The following PFDN2 variants were observed in gnomAD, a reference collection of about 807,000 sequenced individuals.
PFDN2 encodes the protein prefoldin 2.
PFDN2 carries 7 observed loss-of-function variants against 18.3 expected under a neutral mutation model. That is an observed-to-expected ratio of 0.38 (90% confidence interval 0.22 to 0.72). The LOEUF is 0.72. PFDN2 is among the 30% of genes least tolerant of loss of function. PFDN2 has a pLI of 0.47. For missense variants in PFDN2, 181 were observed against 199.1 expected (o/e 0.91, Z 0.55); for synonymous variants, 76 against 75.0 (o/e 1.01, Z -0.07).
Position 161,100,724 on chromosome 1 carries a change from C to T in PFDN2, c.424G>A (p.Ala142Thr). The change falls in exon 4 of 4, where the codon GCT becomes ACT. Residue 142 changes from alanine to threonine, a missense_variant. Ala to Thr is a moderately conservative substitution (Grantham distance 58). Coordinates refer to ENST00000368010, the MANE Select transcript of PFDN2 (RefSeq NM_012394.4). ...KPAAKENSEGAGAKASSAGVL... is the reference protein window; with the variant it reads ...KPAAKENSEGTGAKASSAGVL... Reference sequence around the variant, plus strand: ...CCAGCTGAGCTGGCCTTAGCCCCAGCCCCTTCTGAGTTTTCCTTGGCTGCT... The same window carrying T: ...CCAGCTGAGCTGGCCTTAGCCCCAGTCCCTTCTGAGTTTTCCTTGGCTGCT... 6.2e-7 allele frequency: 1 copy of T among 1,614,126 alleles called. No individual in the cohort carries two copies. Among genetic ancestry groups the T allele is most frequent in the Non-Finnish European group, 8.5e-7 (1 of 1,180,012 alleles).
intron 1 of PFDN2, among the ~76,000 whole-genome samples, chr1:161,116,761 A>T (rs1017425530): frequency 6.6e-6 from 1 of 152,178 alleles, no homozygotes; most frequent in Admixed American, 6.5e-5. Flanking sequence ...GCTACTCGGG[A>T]GGCTAAGGCA....
intron 1 of PFDN2, among the ~76,000 whole-genome samples, chr1:161,110,526 A>C (rs1654782292): frequency 1.3e-5 from 2 of 152,120 alleles, no homozygotes; most frequent in African/African-American, 2.4e-5. Flanking sequence ...TTTACCATAT[A>C]GTTTTAATAA....
rs1359425352 is a variant in PFDN2 at position 161,102,156 on chromosome 1, T to C, written c.180A>G (p.Thr60=). Residue 60 remains threonine, a synonymous_variant, in exon 3 of 4, where the codon ACA becomes ACG. Coordinates refer to ENST00000368010, the MANE Select transcript of PFDN2 (RefSeq NM_012394.4). ...ELNEHSLVID[T]LKEVDETRKC... is the part of the protein sequence containing the mutation. Reference sequence around the variant, plus strand: ...TACGAGTTTCATCTACCTCCTTCAGTGTATCGATCACTAGGCTGGGATAGG... The same window carrying C: ...TACGAGTTTCATCTACCTCCTTCAGCGTATCGATCACTAGGCTGGGATAGG... 6.2e-6 allele frequency: 10 copies of C among 1,614,086 alleles called. No homozygotes were observed. In the African/African-American group the frequency reaches 8.0e-5, roughly 13 times the overall value.
rs766547454 is a variant in PFDN2 at position 161,100,734 on chromosome 1, G to A, written c.414C>T (p.Asn138=). The change falls in exon 4 of 4, where the codon AAC becomes AAT. Residue 138 remains asparagine, a synonymous_variant. Coordinates refer to ENST00000368010, the MANE Select transcript of PFDN2 (RefSeq NM_012394.4). ...GEDEKPAAKE[N]SEGAGAKASS... is the part of the protein sequence containing the mutation. ...TGGCCTTAGCCCCAGCCCCTTCTGA[G>A]TTTTCCTTGGCTGCTGGCTTCTCAT... The A allele has an allele frequency of 1.5e-5, 24 of 1,614,010 alleles. No individual in the cohort carries two copies. The South Asian group carries it at 2.6e-4, about 18-fold the overall frequency.
rs1399178967 is a variant in PFDN2 at position 161,117,926 on chromosome 1, C to T, written c.75+26G>A. The T allele has an allele frequency of 4.4e-6, 7 of 1,591,980 alleles. No individual in the cohort carries two copies. The African/African-American group carries it at 8.1e-5, about 18-fold the overall frequency. ...TAGTATTCCAGACCCAGGTGGGTAC[C>T]CTGCTTCGCGTTAGCCACTCCTCAC... On this transcript the variant is annotated intron_variant, in intron 1 of 3. Coordinates refer to ENST00000368010, the MANE Select transcript of PFDN2 (RefSeq NM_012394.4).
chr1:161,100,694 A>G lies in PFDN2; in HGVS notation c.454T>C (p.Leu152=). ...AGAKASSAGV[L]VS is the part of the protein sequence containing the mutation. Reference sequence around the variant, plus strand: ...AAAGGCCTTGGTCCCTAGGAGACCAACACTCCAGCTGAGCTGGCCTTAGCC... The same window carrying G: ...AAAGGCCTTGGTCCCTAGGAGACCAGCACTCCAGCTGAGCTGGCCTTAGCC... Residue 152 remains leucine, a synonymous_variant, in exon 4 of 4, where the codon TTG becomes CTG. Transcript: ENST00000368010. 1 of 1,612,140 alleles carries G rather than the reference A, an allele frequency of 6.2e-7. No homozygotes were observed.
intron 3 of PFDN2, 39 bp downstream of exon 3, chr1:161,102,009 A>T: frequency 1.2e-6 from 2 of 1,611,812 alleles, no homozygotes; most frequent in Non-Finnish European, 1.7e-6. Context: ...CTGGGTTTAC[A>T]GCCACTGTAC....
At chr1:161,104,879 C>T (rs1166135296) in intron 1 of PFDN2, among the ~76,000 whole-genome samples, 1 of 152,174 alleles carries the variant, frequency 6.6e-6, no homozygotes, top group African/African-American at 2.4e-5. Flanking sequence ...GCAACCTCCT[C>T]CTTTCTCCCA....
chr1:161,102,188 A>C lies in PFDN2; in HGVS notation c.165-17T>G. On this transcript the variant is annotated splice_polypyrimidine_tract_variant and intron_variant, in intron 2 of 3. Transcript: ENST00000368010. ...ATCACTAGGCTGGGATAGGAGAACA[A>C]GGCAGGACCTGAGGATTCAGCCCCA... 6.2e-7 allele frequency: 1 copy of C among 1,614,154 alleles called. No homozygotes were observed. The highest frequency in any genetic ancestry group is 8.5e-7 in the Non-Finnish European group (1 of 1,179,980).
chr1:161,113,660 A>G (rs1324389566), intron 1 of PFDN2, among the ~76,000 whole-genome samples: 1 of 152,186 alleles, frequency 6.6e-6, no homozygotes, highest in Non-Finnish European at 1.5e-5. Context: ...ACACGCATGT[A>G]GTCCCAGTAA....
chr1:161,105,364 C>T (rs1168287503), intron 1 of PFDN2, among the ~76,000 whole-genome samples: 3 of 152,182 alleles, frequency 2.0e-5, no homozygotes, highest in Non-Finnish European at 4.4e-5. Context: ...AATCCTCCCA[C>T]CCTGGCCTCC....
At chr1:161,102,455 T>TAG in intron 1 of PFDN2, 80 bp from the exon 2 acceptor site, 1 of 1,099,420 alleles carries the variant, frequency 9.1e-7, no homozygotes, top group East Asian at 2.4e-5. Context: ...GTGGCAGGCT[T>TAG]TACAAAGGTG....
chr1:161,115,844 G>A (rs374763707), intron 1 of PFDN2, among the ~76,000 whole-genome samples: 49 of 152,234 alleles, frequency 3.2e-4, no homozygotes, highest in African/African-American at 9.1e-4. Context: ...TGGGGTCTTG[G>A]AATATGTCCC....
At chr1:161,101,576 A>G (rs184672712) in intron 3 of PFDN2, among the ~76,000 whole-genome samples, 34 of 152,348 alleles carry the variant, frequency 2.2e-4, no homozygotes, top group Admixed American at 1.6e-3. Flanking sequence ...GCATTTATAA[A>G]TTAGTCCTTC....
chr1:161,108,907 T>A (rs1314447784), intron 1 of PFDN2, among the ~76,000 whole-genome samples: 1 of 152,222 alleles, frequency 6.6e-6, no homozygotes, highest in Non-Finnish European at 1.5e-5. Flanking sequence ...ATTAATTACA[T>A]GTGTACTACT....
intron 1 of PFDN2, among the ~76,000 whole-genome samples, chr1:161,116,913 T>C (rs1352919361): frequency 6.6e-6 from 1 of 152,146 alleles, no homozygotes. Flanking sequence ...CTTGTATTAA[T>C]TGTTCAACAA....
chr1:161,107,065 C>T, intron 1 of PFDN2, among the ~76,000 whole-genome samples: 1 of 152,222 alleles, frequency 6.6e-6, no homozygotes, highest in Non-Finnish European at 1.5e-5. Flanking sequence ...CCATCCTAGC[C>T]TCCCAAAGTG....
chr1:161,101,105 G>C (rs1282857134), intron 3 of PFDN2, among the ~76,000 whole-genome samples: 6 of 152,150 alleles, frequency 3.9e-5, no homozygotes, highest in Non-Finnish European at 8.8e-5. Context: ...ACCCAGGCTG[G>C]TCTCAAACTT....
chr1:161,106,999 AG>A (rs1162223080), intron 1 of PFDN2, among the ~76,000 whole-genome samples: 1 of 150,564 alleles, frequency 6.6e-6, no homozygotes, highest in Non-Finnish European at 1.5e-5. Flanking sequence ...TTGCAGAGAC[AG>A]GGTTTTGCCA....
Sources: gnomAD v4.1 joint callset for allele counts (sites outside exome capture counted in the v4.1 genomes callset) on GRCh38, gnomAD v4.1.1 for gene constraint, MANE v1.5 for transcripts, NCBI Gene and HGNC (gene_info 2026-07-23, HGNC 2026-07-21) for gene names.